The following MCPH1 variants were observed in gnomAD, a reference collection of about 807,000 sequenced individuals.
MCPH1 encodes microcephalin 1.
MCPH1 carries 104 observed loss-of-function variants against 84.5 expected under a neutral mutation model. That is an observed-to-expected ratio of 1.23 (90% confidence interval 1.05 to 1.45). MCPH1 has a LOEUF of 1.45. MCPH1 is among the 40% of genes most tolerant of loss of function. The probability of loss-of-function intolerance (pLI) is 0.00; values close to 1 mark genes in which losing one functional copy is unlikely to be tolerated. For synonymous variants in MCPH1, 514 were observed against 366.8 expected (o/e 1.40, Z -4.58); for missense variants, 1,498 against 1,005.7 (o/e 1.49, Z -6.62).
intron 12 of MCPH1, among the ~76,000 whole-genome samples, chr8:6,575,353 A>G (rs1050689226): frequency 6.6e-6 from 1 of 152,202 alleles, no homozygotes; most frequent in Non-Finnish European, 1.5e-5. Flanking sequence ...CAGCTCCATT[A>G]TGAGGGACCC....
In MCPH1 at chr8:6,645,135, G is replaced by A. The variant is rs913202528; in HGVS notation, c.*2086G>A. On this transcript the variant is annotated 3_prime_UTR_variant, in exon 14 of 14. Coordinates refer to ENST00000344683, the MANE Select transcript of MCPH1 (RefSeq NM_024596.5). ...TGACTCATGCTGGAGACAAGCCACA[G>A]AGAACTTCCATCCCCCACCACATCA... 17 of 152,332 alleles carry A rather than the reference G, an allele frequency of 1.1e-4. No individual in the cohort carries two copies. Among genetic ancestry groups the A allele is most frequent in the African/African-American group, 4.1e-4 (17 of 41,434 alleles). The allele number at this position is 152,332 out of a possible 1,614,324, so 9.4% of individuals were successfully genotyped here.
At chr8:6,575,472 T>C (rs753426332) in intron 12 of MCPH1, among the ~76,000 whole-genome samples, 5 of 152,200 alleles carry the variant, frequency 3.3e-5, no homozygotes, top group Non-Finnish European at 5.9e-5. Context: ...GGGTGGTCAG[T>C]AAAAAGGTCC....
intron 12 of MCPH1, among the ~76,000 whole-genome samples, chr8:6,527,144 A>G (rs1041621400): frequency 1.3e-5 from 2 of 152,228 alleles, no homozygotes; most frequent in African/African-American, 4.8e-5. Flanking sequence ...CTTTCACTCC[A>G]CAGCACTAGC....
rs547830977 is a variant in MCPH1, at chr8:6,599,644, T to C, written c.2215-21810T>C. ...GCTTAGTACACACAAGTACAACAAA[T>C]TCTCAGGTGCTTGTTGAGTCATCTG... On this transcript the variant is annotated intron_variant, in intron 12 of 13. Coordinates refer to ENST00000344683, the MANE Select transcript of MCPH1 (RefSeq NM_024596.5). 5.9e-5 allele frequency among the ~76,000 whole-genome samples: 9 copies of C among 152,352 alleles called. 1 individual carries two copies. In the South Asian group the frequency reaches 1.7e-3, roughly 28 times the overall value.
At chr8:6,560,518 C>G (rs554250944) in intron 12 of MCPH1, among the ~76,000 whole-genome samples, 1 of 152,242 alleles carries the variant, frequency 6.6e-6, no homozygotes, top group African/African-American at 2.4e-5. Context: ...AAGCCGTAAA[C>G]CGAGCGAGAG....
At chr8:6,441,980 A>G (rs1302381176) in intron 6 of MCPH1, 87 bp from the exon 7 acceptor site, 7 of 880,720 alleles carry the variant, frequency 7.9e-6, no homozygotes, top group African/African-American at 3.3e-5. Context: ...AGAATCACCT[A>G]TGATTAATAG....
At chr8:6,406,972 C>G (rs1234317248) in intron 1 of MCPH1, 9 of 514,736 alleles carry the variant, frequency 1.7e-5, no homozygotes, top group South Asian at 1.7e-4. Context: ...CCTGCTTCCT[C>G]CCCCGTACTG....
chr8:6,416,470 G>C (rs1397303743), intron 3 of MCPH1, among the ~76,000 whole-genome samples: 1 of 152,186 alleles, frequency 6.6e-6, no homozygotes, highest in East Asian at 1.9e-4. Flanking sequence ...TTTTTAGGCT[G>C]AGGACGTTCC....
rs1019924848 is a variant in MCPH1, at chr8:6,430,875, C to T, written c.234-624C>T. Among the ~76,000 whole-genome samples, 15 of 152,072 alleles carry T rather than the reference C, an allele frequency of 9.9e-5. 1 individual carries two copies. The highest frequency in any genetic ancestry group is 3.6e-4 in the African/African-American group (15 of 41,398). On this transcript the variant is annotated intron_variant, in intron 3 of 13. Coordinates refer to ENST00000344683, the MANE Select transcript of MCPH1 (RefSeq NM_024596.5). The stretch of plus-strand genomic sequence containing the variant: ...TAGGGCAGGAGATCATTTAGAAAAT[C>T]ATAATTATTTAGACTTGAGTGACAG...
intron 12 of MCPH1, among the ~76,000 whole-genome samples, chr8:6,614,074 G>A: frequency 6.6e-6 from 1 of 152,138 alleles, no homozygotes; most frequent in South Asian, 2.1e-4. Context: ...GATGGGCTCA[G>A]TGCAGGCCAC....
intron 12 of MCPH1, among the ~76,000 whole-genome samples, chr8:6,613,599 C>A (rs182891712): frequency 1.3e-5 from 2 of 149,492 alleles, no homozygotes; most frequent in Non-Finnish European, 3.0e-5. Context: ...TGCAGTTCCC[C>A]GGGGAGACAG....
chr8:6,489,183 A>C (rs2440417), intron 11 of MCPH1, among the ~76,000 whole-genome samples: 54 of 152,246 alleles, frequency 3.5e-4, no homozygotes, highest in Non-Finnish European at 6.5e-4. Context: ...TATATGTACA[A>C]ATATTCAGAG....
chr8:6,433,562 G>A (rs564527709), intron 4 of MCPH1, among the ~76,000 whole-genome samples: 64 of 146,578 alleles, frequency 4.4e-4, no homozygotes, highest in African/African-American at 1.5e-3. Context: ...GAACCCAGGA[G>A]GTGGAGGTTG....
chr8:6,591,755 C>T (rs1482142105), intron 12 of MCPH1, among the ~76,000 whole-genome samples: 3 of 152,144 alleles, frequency 2.0e-5, no homozygotes, highest in Non-Finnish European at 4.4e-5. Context: ...GATAGAAGGG[C>T]GTTCAAATTC....
At chr8:6,489,666 G>A (rs996892906) in intron 11 of MCPH1, among the ~76,000 whole-genome samples, 1 of 152,178 alleles carries the variant, frequency 6.6e-6, no homozygotes, top group Non-Finnish European at 1.5e-5. Flanking sequence ...TAATGCTGCT[G>A]CTACATCAGA....
chr8:6,407,551 G>C (rs1797918384), intron 1 of MCPH1, among the ~76,000 whole-genome samples: 1 of 152,074 alleles, frequency 6.6e-6, no homozygotes, highest in Non-Finnish European at 1.5e-5. Context: ...GTTTGACCGT[G>C]AGAAAAAAGG....
chr8:6,435,972 A>G (rs1802582352), intron 4 of MCPH1, 76 bp from the exon 5 acceptor site: 1 of 1,563,376 alleles, frequency 6.4e-7, no homozygotes, highest in East Asian at 2.3e-5. Context: ...GGTATCAGAA[A>G]TGTATGCGAA....
chr8:6,639,583 A>C (rs1299645285), intron 13 of MCPH1, among the ~76,000 whole-genome samples: 1 of 152,042 alleles, frequency 6.6e-6, no homozygotes, highest in Non-Finnish European at 1.5e-5. Flanking sequence ...GGATCACTCG[A>C]GGACAGGAAT....
chr8:6,509,414 T>G (rs1041094914), intron 12 of MCPH1, among the ~76,000 whole-genome samples: 2 of 152,208 alleles, frequency 1.3e-5, no homozygotes, highest in Non-Finnish European at 2.9e-5. Flanking sequence ...TCATCTTCCA[T>G]AGAGACGGAG....
Sources: allele counts gnomAD v4.1 joint callset (sites outside exome capture counted in the v4.1 genomes callset), GRCh38; gene constraint gnomAD v4.1.1; transcripts MANE v1.5; gene names NCBI Gene and HGNC (gene_info 2026-07-23, HGNC 2026-07-21).